The following TDRD1 variants were observed in gnomAD, a reference collection of about 807,000 sequenced individuals.
TDRD1 encodes the protein tudor domain-containing protein 1.
TDRD1 carries 37 observed loss-of-function variants against 140.6 expected under a neutral mutation model. The ratio of observed to expected loss-of-function variants is 0.26; its 90% CI spans 0.20 to 0.35. TDRD1 has a LOEUF of 0.35. TDRD1 is among the 10% of genes least tolerant of loss of function. The pLI, the probability that TDRD1 is intolerant of heterozygous loss-of-function variation, is 1.00. For missense variants in TDRD1, 1,243 were observed against 1,393.0 expected, an observed-to-expected ratio of 0.89 and a Z score of 1.71; for synonymous variants, 506 against 475.7, an observed-to-expected ratio of 1.06 and a Z score of -0.83.
intron 1 of TDRD1, among the ~76,000 whole-genome samples, chr10:114,186,660 T>A (rs1402806703): frequency 6.6e-6 from 1 of 152,196 alleles, no homozygotes; most frequent in Non-Finnish European, 1.5e-5. Context: ...TGCTTATCCA[T>A]AACAGTTTTA....
At chr10:114,220,896 A>C in intron 19 of TDRD1, 53 bp downstream of exon 19, 1 of 1,345,904 alleles carries the variant, frequency 7.4e-7, no homozygotes, top group Non-Finnish European at 1.0e-6. Flanking sequence ...TTGCTCTCAG[A>C]GACTATGAAA....
chr10:114,226,971 GC>G, intron 22 of TDRD1, 100 bp from the exon 23 acceptor site: 1 of 670,736 alleles, frequency 1.5e-6, no homozygotes, highest in Non-Finnish European at 2.6e-6. Flanking sequence ...CCTAAATCCA[GC>G]TGAAGTCCAG....
chr10:114,208,712 TCTTAGTAGTTACTTAACTACTTG>T (rs1288734581), intron 11 of TDRD1, among the ~76,000 whole-genome samples: 1 of 152,092 alleles, frequency 6.6e-6, no homozygotes, highest in African/African-American at 2.4e-5. Context: ...CTTAACTACT[TCTTAGTAGTTACTTAACTACTTG>T]CTTAGTATGG....
intron 9 of TDRD1, 116 bp from the exon 10 acceptor site, chr10:114,204,606 A>C: frequency 9.8e-7 from 1 of 1,020,670 alleles, no homozygotes. Flanking sequence ...TCTGATTAGT[A>C]CTTGAAGATT....
At chr10:114,214,655 C>A (rs547099001) in intron 16 of TDRD1, among the ~76,000 whole-genome samples, 1 of 152,236 alleles carries the variant, frequency 6.6e-6, no homozygotes, top group East Asian at 1.9e-4. Context: ...GTATAACTAG[C>A]CTCTAAGTCA....
chr10:114,222,794 A>G, intron 21 of TDRD1, 91 bp downstream of exon 21: 1 of 705,830 alleles, frequency 1.4e-6, no homozygotes, highest in Non-Finnish European at 2.4e-6. Context: ...TTTTAGCTGC[A>G]TATTTCATTT....
intron 1 of TDRD1, among the ~76,000 whole-genome samples, chr10:114,185,200 T>C (rs2033419369): frequency 6.6e-6 from 1 of 152,176 alleles, no homozygotes; most frequent in Non-Finnish European, 1.5e-5. Context: ...TGTTTGTTTT[T>C]TGTTTTTGAG....
rs771367619 is a variant in TDRD1, at chr10:114,220,558, T to G, written c.2495-10T>G. 6.2e-7 allele frequency: 1 copy of G among 1,604,132 alleles called. No homozygotes were observed. Among genetic ancestry groups the G allele is most frequent in the Non-Finnish European group, 8.5e-7 (1 of 1,172,084 alleles). On this transcript the variant is annotated splice_polypyrimidine_tract_variant and intron_variant, in intron 18 of 25. Transcript: ENST00000251864. ...ATAGGATTCTTTTTACTGCTGTCCT[T>G]ATTTTCTAGATATACAGTCTAGAAA...
chr10:114,222,561 C>T lies in TDRD1; in HGVS notation c.2891-26C>T, dbSNP rs770213057. ...ATAGTAGCACTGGAAATTTTCTTCA[C>T]AAAAGATTGCTTTTATATATTTTAG... is the stretch of plus-strand genomic sequence containing the variant. On this transcript the variant is annotated intron_variant, in intron 20 of 25. Coordinates refer to ENST00000251864, the Ensembl canonical transcript of TDRD1. 6 of 1,477,188 alleles carry T rather than the reference C, an allele frequency of 4.1e-6. No individual in the cohort carries two copies. The East Asian group carries it at 1.1e-4, about 28-fold the overall frequency. The allele number at this position is 1,477,188 out of a possible 1,614,324, so 91.5% of individuals were successfully genotyped here.
intron 1 of TDRD1, among the ~76,000 whole-genome samples, chr10:114,183,536 T>A (rs1264577290): frequency 6.6e-6 from 1 of 152,200 alleles, no homozygotes; most frequent in Non-Finnish European, 1.5e-5. Context: ...CATCTTTTTT[T>A]AACCTGGAGT....
chr10:114,208,845 C>G (rs999190891), intron 11 of TDRD1, among the ~76,000 whole-genome samples: 1 of 151,558 alleles, frequency 6.6e-6, no homozygotes, highest in Non-Finnish European at 1.5e-5. Context: ...GTGATCTCAG[C>G]TCCCTGCAAC....
intron 1 of TDRD1, among the ~76,000 whole-genome samples, chr10:114,180,259 T>C (rs745462656): frequency 1.3e-4 from 20 of 152,178 alleles, no homozygotes. Flanking sequence ...GCTAAGTGAT[T>C]TACTTCGTCT....
rs377319599 is a variant in TDRD1 at position 114,226,098 on chromosome 10, T to A, written c.3057T>A (p.Asp1019Glu). Residue 1019 changes from aspartate to glutamate, a missense_variant, in exon 22 of 26, where the codon GAT becomes GAA. Asp to Glu is a conservative substitution (Grantham distance 45). Around this residue, in one of 5 missense-constraint regions of TDRD1, gnomAD observed 601 missense variants for 734.7 expected, o/e 0.82. Coordinates refer to ENST00000251864, the Ensembl canonical transcript of TDRD1. ...TTGTTCTGGGGACATCAGACACTGA[T>A]GTGGAAGTGCTCTATGCAGACTATG... is the stretch of plus-strand genomic sequence containing the variant. 1.9e-6 allele frequency: 3 copies of A among 1,614,038 alleles called. No individual in the cohort carries two copies. Among genetic ancestry groups the A allele is most frequent in the Non-Finnish European group, 2.5e-6 (3 of 1,179,890 alleles).
exon 16 of TDRD1, chr10:114,214,000 G>A: frequency 2.5e-6 from 4 of 1,613,876 alleles, no homozygotes; most frequent in Non-Finnish European, 3.4e-6. Context: ...GGAAGGAAAA[G>A]TAAATCCATT....
At chr10:114,188,098 G>T in exon 2 of TDRD1, 1 of 1,611,616 alleles carries the variant, frequency 6.2e-7, no homozygotes, top group Non-Finnish European at 8.5e-7. Context: ...CTTCAAACCC[G>T]AATGGCATCA....
At chr10:114,204,124 C>T (rs1280285765) in exon 9 of TDRD1, 15 of 1,605,566 alleles carry the variant, frequency 9.3e-6, no homozygotes, top group Middle Eastern at 1.7e-4. Context: ...AAAGAAGGCA[C>T]ATGTCTTATA....
chr10:114,227,938 C>T (rs1384941555), exon 24 of TDRD1: 6 of 1,613,754 alleles, frequency 3.7e-6, no homozygotes, highest in Non-Finnish European at 5.1e-6. Flanking sequence ...ATTGCTGCTG[C>T]ACAGAGTTAC....
chr10:114,231,177 A>G (rs532430195), intron 25 of TDRD1, among the ~76,000 whole-genome samples: 63 of 152,372 alleles, frequency 4.1e-4, no homozygotes, highest in African/African-American at 1.4e-3. Context: ...TGATATGAAC[A>G]TAAAACCCTC....
At chr10:114,195,711 A>G (rs1014018198) in intron 3 of TDRD1, among the ~76,000 whole-genome samples, 2 of 152,144 alleles carry the variant, frequency 1.3e-5, no homozygotes, top group South Asian at 2.1e-4. Flanking sequence ...GACACCATAT[A>G]TTTAGGTAAT....
Sources: allele counts gnomAD v4.1 joint callset (sites outside exome capture counted in the v4.1 genomes callset), GRCh38; gene constraint gnomAD v4.1.1; regional missense constraint gnomAD v4.1.1; transcripts MANE v1.5; gene names NCBI Gene and HGNC (gene_info 2026-07-23, HGNC 2026-07-21).